SPATA45: variants seen among roughly 807,000 people sequenced by gnomAD.
The protein encoded by SPATA45 is spermatogenesis-associated protein 45.
Under a neutral mutation model 7.0 loss-of-function variants are expected in SPATA45, and 5 were observed. That is an observed-to-expected ratio of 0.71 (90% confidence interval 0.37 to 1.50). The LOEUF (loss-of-function observed/expected upper bound fraction) is 1.50, where lower values mean the gene tolerates loss of function less well. SPATA45 is among the 40% of genes most tolerant of loss of function. The pLI is 0.03. For synonymous variants in SPATA45, 40 were observed against 38.7 expected, an observed-to-expected ratio of 1.03 and a Z score of -0.13; for missense variants, 111 against 114.9, an observed-to-expected ratio of 0.97 and a Z score of 0.16.
At chr1:212,846,912 A>G (rs1160271353) in intron 1 of SPATA45, among the ~76,000 whole-genome samples, 1 of 152,120 alleles carries the variant, frequency 6.6e-6, no homozygotes, top group East Asian at 1.9e-4. Flanking sequence ...TTCTGAGACA[A>G]GGTCTCACTT....
chr1:212,831,363 C>A (rs1663483808), intron 2 of SPATA45, among the ~76,000 whole-genome samples: 1 of 149,936 alleles, frequency 6.7e-6, no homozygotes, highest in African/African-American at 2.4e-5. Flanking sequence ...CCCAGCTACT[C>A]GGGAGGCTGA....
chr1:212,842,998 G>A (rs1030121777), intron 1 of SPATA45, among the ~76,000 whole-genome samples: 1 of 152,014 alleles, frequency 6.6e-6, no homozygotes, highest in African/African-American at 2.4e-5. Flanking sequence ...TTGTGAGGGT[G>A]AGGCAGGAGA....
chr1:212,835,352 G>A (rs1033646705), intron 2 of SPATA45, among the ~76,000 whole-genome samples: 8 of 149,754 alleles, frequency 5.3e-5, no homozygotes, highest in South Asian at 2.1e-4. Flanking sequence ...GAAGAAACCC[G>A]GTCTCTACTA....
intron 1 of SPATA45, among the ~76,000 whole-genome samples, chr1:212,847,096 G>A (rs528241596): frequency 1.3e-5 from 2 of 152,116 alleles, no homozygotes; most frequent in South Asian, 4.2e-4. Flanking sequence ...TTGCCATGTC[G>A]CCCAGGCTGG....
chr1:212,846,984 C>G (rs766448048), intron 1 of SPATA45, among the ~76,000 whole-genome samples: 1 of 152,044 alleles, frequency 6.6e-6, no homozygotes, highest in Non-Finnish European at 1.5e-5. Context: ...CTCAACCTCC[C>G]GGGCTCAGGT....
rs34934655 is a variant in SPATA45 at position 212,832,359 on chromosome 1, C to CTT, written c.278-2100_278-2099dup. On this transcript the variant is annotated intron_variant, in intron 2 of 2. Transcript: ENST00000332912. ...GGCTCTCTACCCAGTGAAATCTAAG[C>CTT]TTTTTTTTTTTTTTTTTTTTTTTTT... Among the ~76,000 whole-genome samples the CTT allele has an allele frequency of 3.4e-3, 193 of 57,192 alleles. 17 individuals are homozygous for CTT. The highest frequency in any genetic ancestry group is 6.9e-3 in the African/African-American group (99 of 14,402). The allele number at this position is 57,192 out of a possible 152,430, so 37.5% of individuals were successfully genotyped here. A position where few individuals can be genotyped will look rare whatever the true frequency, so the allele number is the denominator to read the frequency against.
chr1:212,846,800 C>T (rs1394723577), intron 1 of SPATA45, among the ~76,000 whole-genome samples: 2 of 152,168 alleles, frequency 1.3e-5, no homozygotes, highest in African/African-American at 2.4e-5. Flanking sequence ...CATGGACGCA[C>T]GTGACAAAAG....
chr1:212,837,488 C>T (rs1558097039), intron 1 of SPATA45, among the ~76,000 whole-genome samples: 1 of 151,436 alleles, frequency 6.6e-6, no homozygotes, highest in African/African-American at 2.4e-5. Context: ...AAAAAATTAG[C>T]CAGGCATGGT....
intron 1 of SPATA45, among the ~76,000 whole-genome samples, chr1:212,840,357 C>T (rs1442979301): frequency 1.3e-5 from 2 of 152,132 alleles, no homozygotes; most frequent in East Asian, 1.9e-4. Flanking sequence ...TTATAGTGAG[C>T]GGAGATCGTT....
chr1:212,831,473 TAAA>T (rs200413225), intron 2 of SPATA45, among the ~76,000 whole-genome samples: 5 of 121,450 alleles, frequency 4.1e-5, no homozygotes, highest in Non-Finnish European at 8.9e-5. Flanking sequence ...ACTCTGCCTC[TAAA>T]AAAAAAAAAA....
chr1:212,831,196 C>T (rs573821136), intron 2 of SPATA45, among the ~76,000 whole-genome samples: 8 of 150,526 alleles, frequency 5.3e-5, no homozygotes, highest in East Asian at 3.9e-4. Context: ...TGGTTGGGCA[C>T]GGTGGCTCAC....
chr1:212,843,712 A>T (rs1663737457), intron 1 of SPATA45, among the ~76,000 whole-genome samples: 2 of 152,192 alleles, frequency 1.3e-5, no homozygotes, highest in South Asian at 4.1e-4. Context: ...CCTGTGTGTG[A>T]CATAGGAACA....
intron 1 of SPATA45, among the ~76,000 whole-genome samples, chr1:212,837,518 A>C (rs984263858): frequency 4.0e-5 from 6 of 151,718 alleles, no homozygotes; most frequent in African/African-American, 1.4e-4. Flanking sequence ...CTGTAATCCC[A>C]GCTACTCAGG....
At chr1:212,835,492 C>T (rs1442031591) in intron 2 of SPATA45, among the ~76,000 whole-genome samples, 2 of 151,436 alleles carry the variant, frequency 1.3e-5, no homozygotes, top group African/African-American at 4.8e-5. Context: ...CATTGCACTC[C>T]AGCCTGGGCA....
rs184444207 is a variant in SPATA45, at chr1:212,845,964, A to G, written c.-39+1616T>C. On this transcript the variant is annotated intron_variant, in intron 1 of 2. Coordinates refer to ENST00000332912, the MANE Select transcript of SPATA45 (RefSeq NM_001024601.3). ...AAAAAACTCAAGGATAGAGCCCAAA[A>G]ACTCACCAACCAAGCAAATAATTAT... 4.5e-3 allele frequency among the ~76,000 whole-genome samples: 684 copies of G among 152,210 alleles called. 8 individuals are homozygous for G. The highest frequency in any genetic ancestry group is 0.016 in the African/African-American group (652 of 41,530).
intron 2 of SPATA45, among the ~76,000 whole-genome samples, chr1:212,833,995 C>T (rs1223931691): frequency 6.6e-6 from 1 of 151,570 alleles, no homozygotes; most frequent in Non-Finnish European, 1.5e-5. Flanking sequence ...GTGATCCGCC[C>T]ACCTCGGCCT....
At chr1:212,846,593 C>G (rs953189218) in intron 1 of SPATA45, among the ~76,000 whole-genome samples, 4 of 152,276 alleles carry the variant, frequency 2.6e-5, no homozygotes, top group East Asian at 3.9e-4. Flanking sequence ...ATATTCTCCC[C>G]CCTCCACTTA....
At position 212,831,043 on chromosome 1, in the gene SPATA45, G is replaced by A. The variant is rs746070017; in HGVS notation, c.278-782C>T. ...AATCCCAGCTACTCTGGAGGCTGAG[G>A]CAGGAGAATCGCTTGAACCCCGGGC... is the stretch of plus-strand genomic sequence containing the variant. On this transcript the variant is annotated intron_variant, in intron 2 of 2. Coordinates refer to ENST00000332912, the MANE Select transcript of SPATA45 (RefSeq NM_001024601.3). Among the ~76,000 whole-genome samples, 28 of 151,188 alleles carry A rather than the reference G, an allele frequency of 1.9e-4. 1 individual carries two copies. Among genetic ancestry groups the A allele is most frequent in the Non-Finnish European group, 3.7e-4 (25 of 67,636 alleles).
intron 1 of SPATA45, among the ~76,000 whole-genome samples, chr1:212,840,335 G>A (rs72743929): frequency 0.23 from 35,379 of 151,468 alleles, 6,018 homozygotes; most frequent in African/African-American, 0.47. Flanking sequence ...ACTTGAACCC[G>A]GAAGATAGAG....
Sources: gnomAD v4.1 joint callset for allele counts (sites outside exome capture counted in the v4.1 genomes callset) on GRCh38, gnomAD v4.1.1 for gene constraint, MANE v1.5 for transcripts, NCBI Gene and HGNC (gene_info 2026-07-23, HGNC 2026-07-21) for gene names.